NDUFA10: variants seen among roughly 807,000 people sequenced by gnomAD.
NDUFA10 encodes the protein NADH:ubiquinone oxidoreductase subunit A10.
NDUFA10 carries 40 observed loss-of-function variants against 47.8 expected under a neutral mutation model. The observed-to-expected ratio is 0.84, with a 90% CI of 0.65 to 1.09. The LOEUF (loss-of-function observed/expected upper bound fraction) is 1.09, where lower values mean the gene tolerates loss of function less well. NDUFA10 is among the 50% of genes least tolerant of loss of function. The pLI is 0.00. For synonymous variants in NDUFA10, 183 were observed against 172.2 expected (o/e 1.06, Z -0.49); for missense variants, 413 against 451.1 (o/e 0.92, Z 0.76).
intron 4 of NDUFA10, among the ~76,000 whole-genome samples, chr2:239,914,299 A>C (rs1693803064): frequency 1.3e-5 from 2 of 151,946 alleles, no homozygotes; most frequent in African/African-American, 4.8e-5. Flanking sequence ...ACACACAGAG[A>C]TACTCAAACA....
chr2:239,915,538 T>TATAC (rs1693850109), intron 4 of NDUFA10, among the ~76,000 whole-genome samples: 1 of 123,776 alleles, frequency 8.1e-6, no homozygotes. Context: ...TACACAAACA[T>TATAC]ACACAGAGAA....
intron 4 of NDUFA10, among the ~76,000 whole-genome samples, chr2:239,938,140 C>T (rs541158607): frequency 1.6e-4 from 25 of 152,318 alleles, no homozygotes; most frequent in Non-Finnish European, 2.9e-4. Flanking sequence ...CCAGCAGTCC[C>T]CACTTCTCTT....
At chr2:239,994,140 T>C (rs1410441711) in intron 8 of NDUFA10, among the ~76,000 whole-genome samples, 1 of 152,138 alleles carries the variant, frequency 6.6e-6, no homozygotes, top group Non-Finnish European at 1.5e-5. Context: ...TACTGTTAAC[T>C]ATGAGATTTC....
chr2:239,960,793 C>T lies in NDUFA10; in HGVS notation c.*325G>A. ...GTCAGAAGAAAAACAATGTGCACAA[C>T]CTGAATGACACAGAGCGGCAGCGCT... On this transcript the variant is annotated 3_prime_UTR_variant, in exon 10 of 10. Transcript: ENST00000252711. The T allele has an allele frequency of 7.9e-7, 1 of 1,259,710 alleles. No individual in the cohort carries two copies. The highest frequency in any genetic ancestry group is 1.0e-6 in the Non-Finnish European group (1 of 987,964). 78.0% of individuals were successfully genotyped at this position (1,259,710 alleles called of 1,614,324 possible). A position where few individuals can be genotyped will look rare whatever the true frequency, so the allele number is the denominator to read the frequency against.
At chr2:239,979,928 C>T (rs1161313957) in intron 9 of NDUFA10, among the ~76,000 whole-genome samples, 1 of 152,094 alleles carries the variant, frequency 6.6e-6, no homozygotes, top group Non-Finnish European at 1.5e-5. Flanking sequence ...TTCTCTAGCT[C>T]CAGACCATGT....
intron 8 of NDUFA10, among the ~76,000 whole-genome samples, chr2:240,001,394 GTACT>G (rs1260792480): frequency 6.6e-6 from 1 of 152,140 alleles, no homozygotes; most frequent in African/African-American, 2.4e-5. Flanking sequence ...TAAAACTTTA[GTACT>G]TATGATATAT....
At chr2:239,915,289 CACAGACAG>C (rs750811328) in intron 4 of NDUFA10, among the ~76,000 whole-genome samples, 1 of 136,328 alleles carries the variant, frequency 7.3e-6, no homozygotes, top group African/African-American at 3.4e-5. Flanking sequence ...AATATACAGA[CACAGACAG>C]AGAGACAGAG....
chr2:239,996,813 T>C (rs1441342793), intron 8 of NDUFA10, among the ~76,000 whole-genome samples: 1 of 151,908 alleles, frequency 6.6e-6, no homozygotes, highest in Non-Finnish European at 1.5e-5. Context: ...TTTTGCCTTT[T>C]TTTTTTTTTA....
intron 9 of NDUFA10, among the ~76,000 whole-genome samples, chr2:239,968,843 G>GC (rs1695196824): frequency 6.6e-6 from 1 of 152,114 alleles, no homozygotes; most frequent in Non-Finnish European, 1.5e-5. Flanking sequence ...GCTCCCACTG[G>GC]CCAGAGCAGA....
At chr2:240,010,447 T>C (rs1270963346) in intron 6 of NDUFA10, among the ~76,000 whole-genome samples, 2 of 152,140 alleles carry the variant, frequency 1.3e-5, no homozygotes, top group East Asian at 3.8e-4. Flanking sequence ...TCTTTCTCAG[T>C]GATGTTTTTG....
At position 239,960,725 on chromosome 2, in the gene NDUFA10, G is replaced by C. The variant is rs562540452; in HGVS notation, c.*393C>G. The C allele has an allele frequency of 8.4e-7, 1 of 1,184,370 alleles. No individual in the cohort carries two copies. Among genetic ancestry groups the C allele is most frequent in the African/African-American group, 1.6e-5 (1 of 62,808 alleles). 73.4% of individuals were successfully genotyped at this position (1,184,370 alleles called of 1,614,324 possible). On this transcript the variant is annotated 3_prime_UTR_variant, in exon 10 of 10. Transcript: ENST00000252711. Reference sequence around the variant, plus strand: ...TCGACGTGCCCGCACGCACATAGACGTACGATGGGGAAATTCCCATGGAAA... The same window carrying C: ...TCGACGTGCCCGCACGCACATAGACCTACGATGGGGAAATTCCCATGGAAA...
chr2:240,021,810 A>G (rs975869092), intron 2 of NDUFA10, among the ~76,000 whole-genome samples: 1 of 152,196 alleles, frequency 6.6e-6, no homozygotes, highest in Non-Finnish European at 1.5e-5. Context: ...CTGCTCACTC[A>G]GGAGTACACC....
At chr2:239,910,690 G>A (rs908765246) in intron 4 of NDUFA10, among the ~76,000 whole-genome samples, 3 of 151,836 alleles carry the variant, frequency 2.0e-5, no homozygotes, top group African/African-American at 4.8e-5. Flanking sequence ...AAACCCACAC[G>A]CCCCGCACCT....
intron 4 of NDUFA10, among the ~76,000 whole-genome samples, chr2:239,926,469 T>C (rs1271445197): frequency 6.6e-6 from 1 of 152,220 alleles, no homozygotes; most frequent in Non-Finnish European, 1.5e-5. Flanking sequence ...TAAGCAAACC[T>C]ACTGTGTGCC....
intron 4 of NDUFA10, among the ~76,000 whole-genome samples, chr2:239,916,961 C>T (rs2106365695): frequency 6.6e-6 from 1 of 152,250 alleles, no homozygotes; most frequent in East Asian, 1.9e-4. Flanking sequence ...CAGGCTCTGG[C>T]ATTACAGGGC....
intron 4 of NDUFA10, among the ~76,000 whole-genome samples, chr2:239,934,257 C>G (rs1349089850): frequency 1.3e-5 from 2 of 152,212 alleles, no homozygotes; most frequent in African/African-American, 2.4e-5. Context: ...CTGCCTCCCA[C>G]ATGTGATGAC....
At chr2:239,954,313 C>CA (rs1359728937), downstream of NDUFA10, among the ~76,000 whole-genome samples, 23 of 152,294 alleles carry the variant, frequency 1.5e-4, no homozygotes, top group East Asian at 1.2e-3. Context: ...GCTGAGTGAC[C>CA]ACCCCAGGAC....
intron 9 of NDUFA10, among the ~76,000 whole-genome samples, chr2:239,973,156 G>A (rs1695369108): frequency 6.6e-6 from 1 of 152,184 alleles, no homozygotes; most frequent in Non-Finnish European, 1.5e-5. Flanking sequence ...AGGTGGCAGG[G>A]CACAAAGTGG....
chr2:239,950,306 C>T (rs913497965), intron 4 of NDUFA10, among the ~76,000 whole-genome samples: 23 of 152,120 alleles, frequency 1.5e-4, no homozygotes, highest in African/African-American at 1.7e-4. Flanking sequence ...CTCAGGCCCC[C>T]GAGTCCTTGA....
Sources: allele counts gnomAD v4.1 joint callset (sites outside exome capture counted in the v4.1 genomes callset), GRCh38; gene constraint gnomAD v4.1.1; transcripts MANE v1.5; gene names NCBI Gene and HGNC (gene_info 2026-07-23, HGNC 2026-07-21).